The following GRID2 variants were observed in gnomAD, a reference collection of about 807,000 sequenced individuals.
The protein encoded by GRID2 is glutamate receptor ionotropic, delta-2.
Under a neutral mutation model 114.8 loss-of-function variants are expected in GRID2, and 33 were observed. The ratio of observed to expected loss-of-function variants is 0.29; its 90% confidence interval spans 0.22 to 0.38. The LOEUF (loss-of-function observed/expected upper bound fraction) is 0.38. GRID2 is among the 10% of genes least tolerant of loss of function. The pLI, the probability that GRID2 is intolerant of heterozygous loss-of-function variation, is 1.00. For synonymous variants in GRID2, 505 were observed against 449.9 expected, an observed-to-expected ratio of 1.12 and a Z score of -1.55; for missense variants, 1,184 against 1,257.7, an observed-to-expected ratio of 0.94 and a Z score of 0.89.
At chr4:93,760,395 A>G (rs1256255217) in intron 14 of GRID2, among the ~76,000 whole-genome samples, 2 of 152,220 alleles carry the variant, frequency 1.3e-5, no homozygotes, top group Non-Finnish European at 2.9e-5. Context: ...ACCAGATCTG[A>G]CCGATTAAGT....
At chr4:92,480,226 GAATT>G (rs771614755) in intron 1 of GRID2, among the ~76,000 whole-genome samples, 3 of 152,066 alleles carry the variant, frequency 2.0e-5, no homozygotes, top group Non-Finnish European at 4.4e-5. Flanking sequence ...AATGGAATGA[GAATT>G]AAATAACTTA....
intron 1 of GRID2, among the ~76,000 whole-genome samples, chr4:92,392,590 G>A (rs1456765930): frequency 1.3e-5 from 2 of 151,992 alleles, no homozygotes; most frequent in Non-Finnish European, 2.9e-5. Context: ...TTGGACACAT[G>A]ATAACCCTTT....
intron 10 of GRID2, among the ~76,000 whole-genome samples, chr4:93,441,340 G>C (rs1429004501): frequency 6.6e-6 from 1 of 152,004 alleles, no homozygotes; most frequent in African/African-American, 2.4e-5. Context: ...AGATTGCTTG[G>C]TCATTTTTAT....
At chr4:93,757,477 A>G (rs1305677520) in intron 14 of GRID2, among the ~76,000 whole-genome samples, 1 of 152,158 alleles carries the variant, frequency 6.6e-6, no homozygotes, top group Non-Finnish European at 1.5e-5. Context: ...ATCTAAGACA[A>G]CACTTACTCC....
At chr4:92,934,643 C>T (rs1173820471) in intron 2 of GRID2, among the ~76,000 whole-genome samples, 1 of 146,458 alleles carries the variant, frequency 6.8e-6, no homozygotes, top group Non-Finnish European at 1.5e-5. Flanking sequence ...AACTATACTA[C>T]AAGGCTACAG....
intron 2 of GRID2, among the ~76,000 whole-genome samples, chr4:92,994,324 G>C (rs983322843): frequency 1.3e-5 from 2 of 151,846 alleles, no homozygotes; most frequent in African/African-American, 2.4e-5. Flanking sequence ...AACATGTTTC[G>C]CACTTTAAGT....
At chr4:92,426,389 A>G (rs941590923) in intron 1 of GRID2, among the ~76,000 whole-genome samples, 3 of 152,148 alleles carry the variant, frequency 2.0e-5, no homozygotes, top group Admixed American at 6.5e-5. Context: ...TGCTTTGCTT[A>G]AGGATGTGAT....
At chr4:92,413,185 C>A (rs1731423900) in intron 1 of GRID2, among the ~76,000 whole-genome samples, 1 of 152,192 alleles carries the variant, frequency 6.6e-6, no homozygotes, top group African/African-American at 2.4e-5. Context: ...CCCTCATCCC[C>A]TCCCATCCTT....
intron 1 of GRID2, among the ~76,000 whole-genome samples, chr4:93,794,458 G>A (rs192457618): frequency 7.6e-4 from 116 of 152,286 alleles, no homozygotes; most frequent in African/African-American, 2.7e-3. Flanking sequence ...GAACGACTTA[G>A]GGAAAGGAGC....
chr4:92,317,054 A>G (rs1726024568), intron 1 of GRID2, among the ~76,000 whole-genome samples: 1 of 152,230 alleles, frequency 6.6e-6, no homozygotes, highest in Non-Finnish European at 1.5e-5. Flanking sequence ...AATTAAGCTA[A>G]TGAGATCTTT....
intron 1 of GRID2, among the ~76,000 whole-genome samples, chr4:93,794,950 G>T (rs1734767698): frequency 6.6e-6 from 1 of 152,116 alleles, no homozygotes; most frequent in Admixed American, 6.5e-5. Flanking sequence ...CTCCCATGAA[G>T]TACTTATTAC....
chr4:92,934,012 A>G (rs1455447050), intron 2 of GRID2, among the ~76,000 whole-genome samples: 4 of 151,776 alleles, frequency 2.6e-5, no homozygotes, highest in African/African-American at 9.7e-5. Context: ...GCAAGTATAC[A>G]CAGCAAGTTT....
chr4:93,388,784 C>T (rs547756148), intron 8 of GRID2, among the ~76,000 whole-genome samples: 246 of 152,226 alleles, frequency 1.6e-3, no homozygotes, highest in African/African-American at 5.5e-3. Context: ...TAAATAGATT[C>T]AGGAGACATT....
chr4:93,022,726 A>G (rs1723499282), intron 2 of GRID2, among the ~76,000 whole-genome samples: 1 of 151,884 alleles, frequency 6.6e-6, no homozygotes, highest in South Asian at 2.1e-4. Context: ...GTATCTATTT[A>G]GTCATTTATT....
chr4:92,677,362 G>C (rs1733425012), intron 2 of GRID2, among the ~76,000 whole-genome samples: 1 of 152,128 alleles, frequency 6.6e-6, no homozygotes, highest in Non-Finnish European at 1.5e-5. Flanking sequence ...AAAGATCAGA[G>C]GAATAAGACA....
chr4:92,920,419 G>T (rs577977014), intron 2 of GRID2, among the ~76,000 whole-genome samples: 95 of 152,282 alleles, frequency 6.2e-4, no homozygotes, highest in Non-Finnish European at 8.4e-4. Context: ...TTGCTCATTA[G>T]TTGATGCAGT....
chr4:93,078,160 T>C (rs1281492855), intron 2 of GRID2, among the ~76,000 whole-genome samples: 5 of 152,188 alleles, frequency 3.3e-5, no homozygotes, highest in African/African-American at 1.2e-4. Context: ...TCACAGGATC[T>C]TTGCACATTC....
intron 14 of GRID2, among the ~76,000 whole-genome samples, chr4:93,691,484 G>C (rs979189264): frequency 6.6e-6 from 1 of 151,944 alleles, no homozygotes; most frequent in African/African-American, 2.4e-5. Flanking sequence ...TTTTGTTATG[G>C]GCAGACCTGA....
chr4:92,863,130 G>C (rs932201766), intron 2 of GRID2, among the ~76,000 whole-genome samples: 2 of 152,016 alleles, frequency 1.3e-5, no homozygotes, highest in Admixed American at 6.6e-5. Context: ...TTTTCTGTCT[G>C]ATGAAAAAAG....
Sources: gnomAD v4.1 joint callset for allele counts (sites outside exome capture counted in the v4.1 genomes callset) on GRCh38, gnomAD v4.1.1 for gene constraint, MANE v1.5 for transcripts, NCBI Gene and HGNC (gene_info 2026-07-23, HGNC 2026-07-21) for gene names.